Variants in PALLD observed in about 807,000 individuals in gnomAD.
The protein encoded by PALLD is palladin, cytoskeletal associated protein, also known as palladin.
Under a neutral mutation model 123.5 loss-of-function variants are expected in PALLD, and 61 were observed. That is an observed-to-expected ratio of 0.49 (90% CI 0.40 to 0.61). PALLD has a LOEUF of 0.61. Ranked by LOEUF, PALLD falls within the 20% of genes least tolerant of loss-of-function variation. The pLI is 0.00. For missense variants in PALLD, 1,273 were observed against 1,377.0 expected (o/e 0.92, Z 1.20); for synonymous variants, 465 against 496.4 (o/e 0.94, Z 0.84).
intron 10 of PALLD, among the ~76,000 whole-genome samples, chr4:168,724,376 TAGTG>T (rs1258124006): frequency 1.3e-5 from 2 of 152,208 alleles, no homozygotes; most frequent in African/African-American, 2.4e-5. Context: ...CATCACCTAA[TAGTG>T]AGAACATTAG....
intron 2 of PALLD, among the ~76,000 whole-genome samples, chr4:168,533,525 G>A (rs756049543): frequency 2.6e-5 from 4 of 152,188 alleles, no homozygotes; most frequent in Non-Finnish European, 5.9e-5. Context: ...CCATTCAGAT[G>A]AGAAAGACCA....
chr4:168,815,220 G>C (rs1048174798), intron 10 of PALLD, among the ~76,000 whole-genome samples: 2 of 152,150 alleles, frequency 1.3e-5, no homozygotes, highest in Non-Finnish European at 2.9e-5. Context: ...AATATTGCAG[G>C]CATACACTAG....
chr4:168,868,973 C>A (rs1750714882), intron 10 of PALLD, among the ~76,000 whole-genome samples: 1 of 152,112 alleles, frequency 6.6e-6, no homozygotes, highest in Admixed American at 6.5e-5. Context: ...ATAACCAAAT[C>A]AAATGGAAAA....
intron 10 of PALLD, among the ~76,000 whole-genome samples, chr4:168,849,388 C>G (rs1471898312): frequency 2.6e-5 from 4 of 152,114 alleles, no homozygotes; most frequent in Admixed American, 6.5e-5. Flanking sequence ...AAGAGGGATG[C>G]GTTTTTAAGG....
chr4:168,631,679 G>A (rs998767126), intron 2 of PALLD: 2 of 985,362 alleles, frequency 2.0e-6, no homozygotes, highest in Admixed American at 6.1e-5. Flanking sequence ...GCGCCGCCAG[G>A]AGGCTTCCCG....
At chr4:168,915,859 A>C (rs777401617) in intron 16 of PALLD, 36 bp from the exon 17 acceptor site, 1 of 1,569,428 alleles carries the variant, frequency 6.4e-7, no homozygotes, top group South Asian at 1.1e-5. Flanking sequence ...ACTACTATCT[A>C]TATTTCTATC....
At chr4:168,733,993 C>A (rs1054906452) in intron 10 of PALLD, among the ~76,000 whole-genome samples, 2 of 152,188 alleles carry the variant, frequency 1.3e-5, no homozygotes, top group African/African-American at 4.8e-5. Flanking sequence ...CCTTGGCCTC[C>A]CAAAGTGCTG....
Position 168,513,830 on chromosome 4 carries a change from C to A in PALLD, c.908+1418C>A, listed in dbSNP as rs372324189. 2.1e-3 allele frequency among the ~76,000 whole-genome samples: 326 copies of A among 152,270 alleles called. 3 individuals carry two copies. The highest frequency in any genetic ancestry group is 1.7e-3 in the Non-Finnish European group (118 of 68,022). On this transcript the variant is annotated intron_variant, in intron 2 of 21. Coordinates refer to ENST00000505667, the MANE Select transcript of PALLD (RefSeq NM_001166108.2). ...TTAAAAAGTTAACTCAAGGGCCAGG[C>A]ACAGTGGCTCATGCCTGTAATTCCA...
intron 10 of PALLD, chr4:168,878,324 G>T: frequency 6.6e-7 from 1 of 1,524,410 alleles, no homozygotes; most frequent in Non-Finnish European, 8.8e-7. Flanking sequence ...CTTCCTCAGC[G>T]CTCTGCTGCC....
Position 168,805,114 on chromosome 4 carries a change from C to T in PALLD, c.1965-85808C>T, listed in dbSNP as rs536613774. The stretch of plus-strand genomic sequence containing the variant: ...CGGAGGTTGCAGTGAGCCGAGATTG[C>T]GCCATTACATCTCAGCCTGGGTGGC... On this transcript the variant is annotated intron_variant, in intron 10 of 21. Transcript: ENST00000505667. Among the ~76,000 whole-genome samples, 11 of 151,244 alleles carry T rather than the reference C, an allele frequency of 7.3e-5. No individual in the cohort carries two copies. In the South Asian group the frequency reaches 1.3e-3, roughly 17 times the overall value.
chr4:168,735,056 G>A (rs879100022), intron 10 of PALLD, among the ~76,000 whole-genome samples: 2 of 152,178 alleles, frequency 1.3e-5, no homozygotes, highest in South Asian at 2.1e-4. Context: ...TGGAGGCTGA[G>A]TCATTCTCAT....
intron 8 of PALLD, chr4:168,700,420 T>A (rs761730506): frequency 1.3e-5 from 2 of 152,258 alleles, no homozygotes; most frequent in Non-Finnish European, 2.9e-5. Context: ...TATTTATGCA[T>A]GGAAGTATTC....
At chr4:168,639,157 C>A (rs1243411801) in intron 2 of PALLD, among the ~76,000 whole-genome samples, 1 of 152,212 alleles carries the variant, frequency 6.6e-6, no homozygotes, top group Non-Finnish European at 1.5e-5. Context: ...ATGTTAAAGA[C>A]AGCCTCTATA....
intron 10 of PALLD, among the ~76,000 whole-genome samples, chr4:168,854,300 A>G (rs1352353484): frequency 6.6e-6 from 1 of 152,222 alleles, no homozygotes; most frequent in Non-Finnish European, 1.5e-5. Flanking sequence ...ACAAGCAGTT[A>G]TCTTGCTTGG....
chr4:168,680,772 A>C (rs529931404), intron 3 of PALLD, among the ~76,000 whole-genome samples: 1 of 152,342 alleles, frequency 6.6e-6, no homozygotes, highest in Admixed American at 6.5e-5. Flanking sequence ...AAACATCAAA[A>C]TCTGACTGCA....
At chr4:168,587,110 G>A (rs1036031231) in intron 2 of PALLD, among the ~76,000 whole-genome samples, 10 of 152,116 alleles carry the variant, frequency 6.6e-5, no homozygotes, top group African/African-American at 2.4e-4. Flanking sequence ...GACACCCCCC[G>A]ACGACAAAGA....
At chr4:168,540,840 T>G (rs936804479) in intron 2 of PALLD, among the ~76,000 whole-genome samples, 1 of 151,790 alleles carries the variant, frequency 6.6e-6, no homozygotes, top group Non-Finnish European at 1.5e-5. Context: ...CCTGAGATGA[T>G]AAAAAGCCAT....
chr4:168,781,730 T>C (rs1561516882), intron 10 of PALLD, among the ~76,000 whole-genome samples: 2 of 151,898 alleles, frequency 1.3e-5, no homozygotes, highest in South Asian at 2.1e-4. Context: ...GAGAGGAATA[T>C]AGAAATGAGG....
intron 10 of PALLD, among the ~76,000 whole-genome samples, chr4:168,761,903 A>T (rs1055707584): frequency 3.2e-4 from 49 of 151,842 alleles, no homozygotes; most frequent in Admixed American, 1.1e-3. Flanking sequence ...ATTCTTTCCT[A>T]ATGAACCATG....
Sources: gnomAD v4.1 joint callset for allele counts (sites outside exome capture counted in the v4.1 genomes callset) on GRCh38, gnomAD v4.1.1 for gene constraint, MANE v1.5 for transcripts, NCBI Gene and HGNC (gene_info 2026-07-23, HGNC 2026-07-21) for gene names.